Variants in PAIP2 observed in about 807,000 individuals in gnomAD.
The protein encoded by PAIP2 is polyadenylate-binding protein-interacting protein 2.
In PAIP2, 7 loss-of-function variants were observed where a neutral mutation model predicts 14.8. The ratio of observed to expected loss-of-function variants is 0.47; its 90% CI spans 0.27 to 0.89. The LOEUF (loss-of-function observed/expected upper bound fraction) is 0.89. Ranked by LOEUF, PAIP2 falls within the 40% of genes least tolerant of loss-of-function variation. The probability of loss-of-function intolerance (pLI) is 0.13; values close to 1 mark genes in which losing one functional copy is unlikely to be tolerated. For synonymous variants in PAIP2, 47 were observed against 45.3 expected (o/e 1.04, Z -0.15); for missense variants, 122 against 154.7 (o/e 0.79, Z 1.12).
At chr5:139,364,521 A>G in intron 2 of PAIP2, 43 bp from the exon 3 acceptor site, 1 of 1,189,000 alleles carries the variant, frequency 8.4e-7, no homozygotes, top group Non-Finnish European at 1.2e-6. Flanking sequence ...TCCTAGTGAT[A>G]TCTACCAAGT....
chr5:139,359,969 T>G (rs1295340984), intron 1 of PAIP2, among the ~76,000 whole-genome samples: 1 of 151,062 alleles, frequency 6.6e-6, no homozygotes, highest in Admixed American at 6.6e-5. Context: ...GGTAATTTTC[T>G]TCTTTTCTTT....
At chr5:139,365,450 A>G (rs888283089) in intron 3 of PAIP2, among the ~76,000 whole-genome samples, 19 of 151,618 alleles carry the variant, frequency 1.3e-4, no homozygotes, top group African/African-American at 4.6e-4. Flanking sequence ...AGATCGCACC[A>G]TTGCACTCCA....
chr5:139,360,627 G>A (rs1291127273), intron 1 of PAIP2, among the ~76,000 whole-genome samples: 1 of 151,986 alleles, frequency 6.6e-6, no homozygotes, highest in African/African-American at 2.4e-5. Context: ...CAAGTAGCTG[G>A]GACTGCAGGC....
intron 1 of PAIP2, among the ~76,000 whole-genome samples, chr5:139,360,813 C>T (rs1029496389): frequency 1.1e-4 from 17 of 150,394 alleles, no homozygotes; most frequent in African/African-American, 4.2e-4. Context: ...CAGGGTCTTG[C>T]TTTCTTGCCC....
intron 1 of PAIP2, among the ~76,000 whole-genome samples, chr5:139,356,972 T>G (rs1383554052): frequency 6.6e-6 from 1 of 152,222 alleles, no homozygotes; most frequent in African/African-American, 2.4e-5. Context: ...TTGTTGCCAC[T>G]TATTGTAGTT....
At chr5:139,347,702 C>T (rs1756595605) in intron 1 of PAIP2, among the ~76,000 whole-genome samples, 1 of 152,000 alleles carries the variant, frequency 6.6e-6, no homozygotes, top group African/African-American at 2.4e-5. Flanking sequence ...TGTAACTAAC[C>T]TGCACATTGT....
chr5:139,348,550 G>A (rs1324136065), intron 1 of PAIP2, among the ~76,000 whole-genome samples: 1 of 151,444 alleles, frequency 6.6e-6, no homozygotes, highest in Admixed American at 6.6e-5. Context: ...GTAGAGATGG[G>A]GTTTCACCGT....
intron 1 of PAIP2, among the ~76,000 whole-genome samples, chr5:139,360,476 C>T (rs951322542): frequency 1.3e-5 from 2 of 151,988 alleles, no homozygotes; most frequent in African/African-American, 2.4e-5. Context: ...CTGTTTCTGC[C>T]TTTCTTCTTT....
At chr5:139,360,003 G>A (rs1418033745) in intron 1 of PAIP2, among the ~76,000 whole-genome samples, 1 of 152,032 alleles carries the variant, frequency 6.6e-6, no homozygotes, top group Non-Finnish European at 1.5e-5. Context: ...GTCGCGCTCT[G>A]TTGCCCAGGC....
chr5:139,364,542 T>G, intron 2 of PAIP2, 22 bp from the exon 3 acceptor site: 1 of 1,437,494 alleles, frequency 7.0e-7, no homozygotes, highest in Middle Eastern at 1.8e-4. Context: ...GTGCTATAAA[T>G]TATCCTTTAT....
In PAIP2 at chr5:139,369,499, C is replaced by CATT. The variant is rs10658847; in HGVS notation, c.*703_*704insTAT. ...ATCCAGCTGAACAAAGATACTGTAA[C>CATT]ATGATTTGAGTGGTGCTTTTCCTTG... On this transcript the variant is annotated 3_prime_UTR_variant, in exon 4 of 4. Coordinates refer to ENST00000265192, the MANE Select transcript of PAIP2 (RefSeq NM_016480.5). 1 allele frequency: 152,575 copies of CATT among 152,718 alleles called. 76,216 individuals are homozygous for CATT. The highest frequency in any genetic ancestry group is 1 in the Middle Eastern group (294 of 294). The allele number at this position is 152,718 out of a possible 1,614,324, so 9.5% of individuals were successfully genotyped here. A position where few individuals can be genotyped will look rare whatever the true frequency, so the allele number is the denominator to read the frequency against.
intron 1 of PAIP2, among the ~76,000 whole-genome samples, chr5:139,356,710 C>T (rs967765292): frequency 1.3e-5 from 2 of 151,462 alleles, no homozygotes; most frequent in African/African-American, 4.9e-5. Flanking sequence ...ATGGTGAAAC[C>T]CCGTCTCTAC....
At chr5:139,345,621 C>T (rs911720292) in intron 1 of PAIP2, among the ~76,000 whole-genome samples, 2 of 150,380 alleles carry the variant, frequency 1.3e-5, no homozygotes, top group African/African-American at 2.4e-5. Context: ...GAGAACTATG[C>T]TTGAATTTTT....
At position 139,364,698 on chromosome 5, in the gene PAIP2, T is replaced by C; in HGVS notation, c.273T>C (p.Phe91=). 6.2e-7 allele frequency: 1 copy of C among 1,613,110 alleles called. No individual in the cohort carries two copies. Among genetic ancestry groups the C allele is most frequent in the South Asian group, 1.1e-5 (1 of 90,982 alleles). Residue 91 remains phenylalanine (F), a synonymous_variant, in exon 3 of 4, where the codon TTT becomes TTC. Transcript: ENST00000265192. The part of the protein sequence containing the change: ...PQTMDQIQDQ[F]NDLVISDGSS... Reference sequence around the variant, plus strand: ...CTATGGACCAAATCCAAGACCAGTTTAATGACCTTGTTATCAGTGATGGCT... The same window carrying C: ...CTATGGACCAAATCCAAGACCAGTTCAATGACCTTGTTATCAGTGATGGCT...
chr5:139,366,444 TG>T (rs1192471073), intron 3 of PAIP2, among the ~76,000 whole-genome samples: 8 of 152,202 alleles, frequency 5.3e-5, no homozygotes, highest in African/African-American at 1.9e-4. Flanking sequence ...GTCGGTCATT[TG>T]GAAACCATTC....
At chr5:139,366,070 G>A (rs1757231224) in intron 3 of PAIP2, among the ~76,000 whole-genome samples, 1 of 152,062 alleles carries the variant, frequency 6.6e-6, no homozygotes, top group Non-Finnish European at 1.5e-5. Context: ...GGTTGTGGTG[G>A]TGCGTGCCTG....
chr5:139,363,811 T>G lies in PAIP2; in HGVS notation c.27T>G (p.Thr9=). Residue 9 remains threonine (T), a synonymous_variant, in exon 2 of 4, where the codon ACT becomes ACG. Transcript: ENST00000265192. ...TGAAAGATCCAAGTCGCAGCAGTAC[T>G]AGCCCAAGCATCATCAATGAAGATG... MKDPSRSS[T]SPSIINEDVI... 2 of 1,614,178 alleles carry G rather than the reference T, an allele frequency of 1.2e-6. No individual in the cohort carries two copies. Among genetic ancestry groups the G allele is most frequent in the Non-Finnish European group, 1.7e-6 (2 of 1,179,998 alleles).
chr5:139,356,889 G>GAAAAA (rs70982774), intron 1 of PAIP2, among the ~76,000 whole-genome samples: 1 of 112,476 alleles, frequency 8.9e-6, no homozygotes. Context: ...TCTGTCTCCA[G>GAAAAA]AAAAAAAAAA....
In PAIP2 at chr5:139,358,993, G is replaced by C. The variant is rs555644192; in HGVS notation, c.-26-4766G>C. 1.1e-4 allele frequency among the ~76,000 whole-genome samples: 16 copies of C among 152,132 alleles called. No homozygotes were observed. The South Asian group carries it at 3.3e-3, about 32-fold the overall frequency. ...CTTTAAAACAGTAAATTCTTTTTTT[G>C]AGACGAGGTCTTGCTCTGTTGCCCA... On this transcript the variant is annotated intron_variant, in intron 1 of 3. Coordinates refer to ENST00000265192, the MANE Select transcript of PAIP2 (RefSeq NM_016480.5).
Sources: allele counts gnomAD v4.1 joint callset (sites outside exome capture counted in the v4.1 genomes callset), GRCh38; gene constraint gnomAD v4.1.1; transcripts MANE v1.5; gene names NCBI Gene and HGNC (gene_info 2026-07-23, HGNC 2026-07-21).